NXPE2: variants seen among roughly 807,000 people sequenced by gnomAD.
The protein encoded by NXPE2 is NXPE family member 2.
In NXPE2, 34 loss-of-function variants were observed where a neutral mutation model predicts 34.4. The ratio of observed to expected loss-of-function variants is 0.99; its 90% CI spans 0.75 to 1.31. The LOEUF (loss-of-function observed/expected upper bound fraction) is 1.31, where lower values mean the gene tolerates loss of function less well. Ranked by LOEUF, NXPE2 falls within the 40% of genes most tolerant of loss-of-function variation. The pLI, the probability that NXPE2 is intolerant of heterozygous loss-of-function variation, is 0.00. For missense variants in NXPE2, 649 were observed against 672.5 expected (o/e 0.97, Z 0.39); for synonymous variants, 235 against 231.3 (o/e 1.02, Z -0.15).
At chr11:114,635,844 A>T in the NXPE2 span, among the ~76,000 whole-genome samples, 10 of 151,902 alleles carry the variant, frequency 6.6e-5, no homozygotes, top group South Asian at 2.1e-4. Flanking sequence ...AAGCTTTTTG[A>T]TGTGTTGCTG....
the NXPE2 span, among the ~76,000 whole-genome samples, chr11:114,670,818 A>T: frequency 6.6e-6 from 1 of 151,918 alleles, no homozygotes; most frequent in African/African-American, 2.4e-5. Flanking sequence ...AAAAATTATA[A>T]GACATGCAAA....
At chr11:114,716,838 A>G in the NXPE2 span, among the ~76,000 whole-genome samples, 2 of 151,856 alleles carry the variant, frequency 1.3e-5, no homozygotes, top group African/African-American at 2.4e-5. Context: ...CAGTTTATCG[A>G]TTTTTTTTCC....
the NXPE2 span, among the ~76,000 whole-genome samples, chr11:114,808,301 AAC>A: frequency 6.6e-6 from 1 of 151,998 alleles, no homozygotes; most frequent in Admixed American, 6.6e-5. Flanking sequence ...AGCAAGAGCA[AAC>A]ACATTCAAAA....
chr11:114,644,582 T>A, the NXPE2 span, among the ~76,000 whole-genome samples: 1 of 152,138 alleles, frequency 6.6e-6, no homozygotes, highest in Non-Finnish European at 1.5e-5. Context: ...AAATAAGATA[T>A]AAAATATTTT....
chr11:114,589,971 C>T, the NXPE2 span, among the ~76,000 whole-genome samples: 4 of 152,310 alleles, frequency 2.6e-5, no homozygotes, highest in South Asian at 6.2e-4. Context: ...GGTTTACAGT[C>T]TTAGATTTAA....
At chr11:114,601,469 A>C in the NXPE2 span, among the ~76,000 whole-genome samples, 2 of 109,366 alleles carry the variant, frequency 1.8e-5, no homozygotes, top group African/African-American at 6.9e-5. Context: ...TATAATATAA[A>C]ATTTATATAA....
the NXPE2 span, among the ~76,000 whole-genome samples, chr11:114,499,458 A>T: frequency 6.6e-6 from 1 of 152,140 alleles, no homozygotes. Context: ...TAAGGCTATA[A>T]AATTTCTTCT....
chr11:114,747,987 T>C, the NXPE2 span, among the ~76,000 whole-genome samples: 1 of 152,178 alleles, frequency 6.6e-6, no homozygotes, highest in East Asian at 1.9e-4. Flanking sequence ...CAGCCCTTGG[T>C]GGCCATCATT....
At chr11:114,781,325 C>T in the NXPE2 span, among the ~76,000 whole-genome samples, 5 of 152,122 alleles carry the variant, frequency 3.3e-5, no homozygotes, top group Admixed American at 1.3e-4. Context: ...TCCCAAGGAC[C>T]CTTGGTTAAG....
the NXPE2 span, among the ~76,000 whole-genome samples, chr11:114,608,897 G>T: frequency 2.0e-5 from 3 of 148,114 alleles, no homozygotes; most frequent in African/African-American, 7.5e-5. Context: ...ATTGCCTCGT[G>T]GGTAACCACT....
At chr11:114,525,570 C>T in the NXPE2 span, among the ~76,000 whole-genome samples, 8 of 152,076 alleles carry the variant, frequency 5.3e-5, no homozygotes, top group Admixed American at 2.0e-4. Flanking sequence ...TTCCCCCTTC[C>T]CCCCTTACTA....
the NXPE2 span, among the ~76,000 whole-genome samples, chr11:114,751,720 T>A: frequency 6.6e-6 from 1 of 152,184 alleles, no homozygotes; most frequent in Non-Finnish European, 1.5e-5. Flanking sequence ...TGCAAATATG[T>A]GACCTTACTT....
the NXPE2 span, among the ~76,000 whole-genome samples, chr11:114,474,723 A>T: frequency 7.5e-4 from 114 of 152,326 alleles, 1 homozygote; most frequent in Middle Eastern, 3.4e-3. Flanking sequence ...GGTATGTAAT[A>T]TCTTTGAAAC....
chr11:114,623,792 C>T, the NXPE2 span, among the ~76,000 whole-genome samples: 13 of 152,054 alleles, frequency 8.5e-5, no homozygotes. Context: ...CACTCTTACC[C>T]TATGGATAAC....
At chr11:114,637,716 C>T in the NXPE2 span, among the ~76,000 whole-genome samples, 5 of 151,266 alleles carry the variant, frequency 3.3e-5, no homozygotes, top group East Asian at 7.8e-4. Context: ...TTCTCCTTCA[C>T]TTATGAAGCT....
At chr11:114,521,309 A>C in the NXPE2 span, among the ~76,000 whole-genome samples, 4 of 151,976 alleles carry the variant, frequency 2.6e-5, no homozygotes, top group Non-Finnish European at 5.9e-5. Context: ...GACCTCATGG[A>C]TTTTATATAT....
At chr11:114,737,216 C>A in the NXPE2 span, among the ~76,000 whole-genome samples, 1 of 152,164 alleles carries the variant, frequency 6.6e-6, no homozygotes, top group Non-Finnish European at 1.5e-5. Flanking sequence ...TCAGCTAATG[C>A]CCCTAACTCA....
At chr11:114,640,727 T>C in the NXPE2 span, among the ~76,000 whole-genome samples, 1 of 151,602 alleles carries the variant, frequency 6.6e-6, no homozygotes, top group East Asian at 1.9e-4. Flanking sequence ...GTATTTTTTA[T>C]ATGTTTGTTG....
chr11:114,746,365 C>A, the NXPE2 span, among the ~76,000 whole-genome samples: 1 of 152,142 alleles, frequency 6.6e-6, no homozygotes, highest in African/African-American at 2.4e-5. Flanking sequence ...AACAAAACAA[C>A]AACTTTTAAA....
Sources: allele counts gnomAD v4.1 joint callset (sites outside exome capture counted in the v4.1 genomes callset), GRCh38; gene constraint gnomAD v4.1.1; transcripts MANE v1.5; gene names NCBI Gene and HGNC (gene_info 2026-07-23, HGNC 2026-07-21).